SLC1A1: variants seen among roughly 807,000 people sequenced by gnomAD.
SLC1A1 encodes excitatory amino acid transporter 3.
SLC1A1 carries 43 observed loss-of-function variants against 53.3 expected under a neutral mutation model. The ratio of observed to expected loss-of-function variants is 0.81; its 90% CI spans 0.63 to 1.04. SLC1A1 has a LOEUF of 1.04. Among genes scored for constraint, SLC1A1 ranks in the 50% least tolerant of loss-of-function variants. SLC1A1 has a pLI of 0.00. For synonymous variants in SLC1A1, 307 were observed against 243.2 expected (o/e 1.26, Z -2.44); for missense variants, 748 against 664.9 (o/e 1.12, Z -1.37).
At chr9:4,501,903 G>A (rs778599737) in intron 1 of SLC1A1, among the ~76,000 whole-genome samples, 11 of 151,796 alleles carry the variant, frequency 7.2e-5, no homozygotes, top group Middle Eastern at 3.4e-3. Flanking sequence ...GAGTTACCTC[G>A]TTACTAATAA....
intron 1 of SLC1A1, among the ~76,000 whole-genome samples, chr9:4,523,572 A>T (rs1816160008): frequency 6.6e-6 from 1 of 152,232 alleles, no homozygotes; most frequent in Non-Finnish European, 1.5e-5. Flanking sequence ...TACCAAAAAT[A>T]TTTAACATTA....
Position 4,555,399 on chromosome 9 carries a change from A to G in SLC1A1, c.233-6050A>G, listed in dbSNP as rs538340734. Among the ~76,000 whole-genome samples the G allele has an allele frequency of 2.0e-5, 3 of 152,348 alleles. No individual in the cohort carries two copies. The East Asian group carries it at 5.8e-4, about 29-fold the overall frequency. On this transcript the variant is annotated intron_variant, in intron 2 of 11. Coordinates refer to ENST00000262352, the MANE Select transcript of SLC1A1 (RefSeq NM_004170.6). The stretch of plus-strand genomic sequence containing the variant: ...GGTGGTTGCTTAATCAGAGAGCTCT[A>G]GGAGGAGTCTTTTGCCCTCAGATGT...
At chr9:4,497,952 G>T (rs952530107) in intron 1 of SLC1A1, among the ~76,000 whole-genome samples, 1 of 152,118 alleles carries the variant, frequency 6.6e-6, no homozygotes, top group Non-Finnish European at 1.5e-5. Flanking sequence ...GGACTATCTG[G>T]TATGATCTTT....
At chr9:4,558,518 G>A (rs1818638187) in intron 2 of SLC1A1, among the ~76,000 whole-genome samples, 1 of 152,174 alleles carries the variant, frequency 6.6e-6, no homozygotes, top group Non-Finnish European at 1.5e-5. Flanking sequence ...GAAATTGGAT[G>A]ACTACTTGGG....
At chr9:4,546,053 T>C (rs1264159593) in intron 2 of SLC1A1, among the ~76,000 whole-genome samples, 9 of 149,730 alleles carry the variant, frequency 6.0e-5, no homozygotes, top group African/African-American at 2.2e-4. Context: ...TACTGGACGT[T>C]GGTGGGGGCA....
Position 4,490,512 on chromosome 9 carries a change from C to T in SLC1A1, c.-168C>T. 2.4e-6 allele frequency: 1 copy of T among 417,908 alleles called. No individual in the cohort carries two copies. The highest frequency in any genetic ancestry group is 4.2e-6 in the Non-Finnish European group (1 of 236,824). The allele number at this position is 417,908 out of a possible 1,614,324, so 25.9% of individuals were successfully genotyped here. A position where few individuals can be genotyped will look rare whatever the true frequency, so the allele number is the denominator to read the frequency against. On this transcript the variant is annotated 5_prime_UTR_variant, in exon 1 of 12. Coordinates refer to ENST00000262352, the MANE Select transcript of SLC1A1 (RefSeq NM_004170.6). Reference sequence around the variant, plus strand: ...AGGGCGGCGGGCGCGGTGCGCGATCCCGGGTGGCGGCGGCAACGGCGGTGG... The same window carrying T: ...AGGGCGGCGGGCGCGGTGCGCGATCTCGGGTGGCGGCGGCAACGGCGGTGG...
Position 4,549,639 on chromosome 9 carries a change from G to C in SLC1A1, c.232+4932G>C, listed in dbSNP as rs1817765767. Among the ~76,000 whole-genome samples, 1 of 152,098 alleles carries C rather than the reference G, an allele frequency of 6.6e-6. No individual in the cohort carries two copies. Among genetic ancestry groups the C allele is most frequent in the Admixed American group, 6.5e-5 (1 of 15,270 alleles). ...AAGGAAAAATTCCGCTATCACACAG[G>C]CCATCCTGTCCTGACCTGGAGTGAC... On this transcript the variant is annotated intron_variant, in intron 2 of 11. Transcript: ENST00000262352. The surrounding 1 kb of genome is among the most constrained non-coding windows in gnomAD (Gnocchi z 4.1).
Position 4,543,938 on chromosome 9 carries a change from G to A in SLC1A1, c.92-629G>A, listed in dbSNP as rs189662539. On this transcript the variant is annotated intron_variant, in intron 1 of 11. Transcript: ENST00000262352. Reference sequence around the variant, plus strand: ...TCACACCTGTAATCCCAGCACTTTCGGAAGTCGAGGTGGGCAGATCACTTG... The same window carrying A: ...TCACACCTGTAATCCCAGCACTTTCAGAAGTCGAGGTGGGCAGATCACTTG... Among the ~76,000 whole-genome samples the A allele has an allele frequency of 1.2e-4, 18 of 152,248 alleles. No homozygotes were observed. The East Asian group carries it at 1.9e-3, about 16-fold the overall frequency.
intron 6 of SLC1A1, among the ~76,000 whole-genome samples, chr9:4,570,458 G>A (rs1046876964): frequency 2.4e-5 from 3 of 123,982 alleles, no homozygotes; most frequent in South Asian, 2.7e-4. Context: ...TGCAGCCTCC[G>A]CCTCCTGGGT....
intron 6 of SLC1A1, among the ~76,000 whole-genome samples, chr9:4,570,518 G>A (rs562660061): frequency 8.6e-5 from 13 of 151,980 alleles, no homozygotes; most frequent in South Asian, 8.3e-4. Context: ...TTACAGGCAC[G>A]TGCCACAATG....
At position 4,583,699 on chromosome 9, in the gene SLC1A1, T is replaced by A. The variant is rs1380184250; in HGVS notation, c.1328+527T>A. ...ATAATCTGTGAGATGGGAAAAAATC[T>A]GCCTATGTCATTGGGTTGTTTTAAG... On this transcript the variant is annotated intron_variant, in intron 11 of 11. Transcript: ENST00000262352. This position sits in a 1 kb window ranked among gnomAD's most constrained non-coding sequence, Gnocchi z 4.6. Among the ~76,000 whole-genome samples the A allele has an allele frequency of 6.6e-6, 1 of 152,204 alleles. No individual in the cohort carries two copies. The highest frequency in any genetic ancestry group is 2.4e-5 in the African/African-American group (1 of 41,426).
Position 4,572,254 on chromosome 9 carries a change from C to T in SLC1A1, c.633C>T (p.Asn211=), listed in dbSNP as rs143022823. The T allele has an allele frequency of 1.7e-3, 2,664 of 1,614,088 alleles. 9 individuals are homozygous for T. The highest frequency in any genetic ancestry group is 1.4e-3 in the Non-Finnish European group (1,638 of 1,179,960). The change falls in exon 7 of 12, where the codon AAC becomes AAT. Residue 211 remains asparagine, a synonymous_variant. Coordinates refer to ENST00000262352, the MANE Select transcript of SLC1A1 (RefSeq NM_004170.6). The part of the protein sequence containing the change: ...KIVGMYSDGI[N]VLGLIVFCLV... Reference sequence around the variant, plus strand: ...TTGGCATGTATTCAGATGGCATAAACGTCCTGGGCTTGATTGTCTTTTGCC... The same window carrying T: ...TTGGCATGTATTCAGATGGCATAAATGTCCTGGGCTTGATTGTCTTTTGCC...
chr9:4,501,581 A>G (rs185246761), intron 1 of SLC1A1, among the ~76,000 whole-genome samples: 1 of 151,720 alleles, frequency 6.6e-6, no homozygotes, highest in Non-Finnish European at 1.5e-5. Context: ...CCTGACCAAC[A>G]TGGAGAAACC....
intron 1 of SLC1A1, among the ~76,000 whole-genome samples, chr9:4,521,079 A>T (rs1816053907): frequency 6.6e-6 from 1 of 152,122 alleles, no homozygotes. Flanking sequence ...TTCATTGGAG[A>T]AATGTCTATT....
Position 4,585,322 on chromosome 9 carries a change from A to G in SLC1A1, c.1339A>G (p.Arg447Gly). The change falls in exon 12 of 12, where the codon AGG becomes GGG. Residue 447 changes from arginine to glycine, a missense_variant. Physicochemically the swap from Arg to Gly is moderately radical, Grantham distance 125. Transcript: ENST00000262352. Reference protein sequence around the residue: ...IAVDWLLDRFRTMVNVLGDAF... With the variant: ...IAVDWLLDRFGTMVNVLGDAF... Reference sequence around the variant, plus strand: ...CCCGTCTCTCCCCAGGGACCGGTTCAGGACCATGGTCAACGTCCTTGGTGA... The same window carrying G: ...CCCGTCTCTCCCCAGGGACCGGTTCGGGACCATGGTCAACGTCCTTGGTGA... The G allele has an allele frequency of 6.2e-7, 1 of 1,613,810 alleles. No individual in the cohort carries two copies. The highest frequency in any genetic ancestry group is 1.1e-5 in the South Asian group (1 of 91,066).
chr9:4,559,536 C>T (rs971798869), intron 2 of SLC1A1, among the ~76,000 whole-genome samples: 1 of 142,782 alleles, frequency 7.0e-6, no homozygotes, highest in African/African-American at 2.5e-5. Context: ...AAGCATAAAC[C>T]CCCAGTCACT....
chr9:4,576,755 C>G lies in SLC1A1; in HGVS notation c.1185C>G (p.Ile395Met). Residue 395 changes from isoleucine (I) to methionine (M), a missense_variant, in exon 10 of 12, where the codon ATC becomes ATG. Ile to Met is a conservative substitution (Grantham distance 10, BLOSUM62 1). Transcript: ENST00000262352. ...NDLDLGIGQI[I>M]TISITATSAS... ...TGGACTTGGGCATTGGGCAGATCAT[C>G]ACCATCAGGTGGGGCATGGTGTCAC... 1 of 1,613,794 alleles carries G rather than the reference C, an allele frequency of 6.2e-7. No homozygotes were observed. Among genetic ancestry groups the G allele is most frequent in the East Asian group, 2.2e-5 (1 of 44,878 alleles).
intron 6 of SLC1A1, 103 bp from the exon 7 acceptor site, chr9:4,572,101 C>T: frequency 2.1e-6 from 2 of 967,334 alleles, no homozygotes; most frequent in Non-Finnish European, 3.4e-6. Context: ...GGGAGATCAC[C>T]AGTTTATTAT....
intron 2 of SLC1A1, among the ~76,000 whole-genome samples, chr9:4,551,090 C>A (rs1241078788): frequency 1.3e-5 from 2 of 152,160 alleles, no homozygotes; most frequent in Non-Finnish European, 2.9e-5. Flanking sequence ...TATGAATGCA[C>A]TGAAGAGACT....
Sources: allele counts gnomAD v4.1 joint callset (sites outside exome capture counted in the v4.1 genomes callset), GRCh38; gene constraint gnomAD v4.1.1; non-coding constraint Gnocchi (gnomAD v3.1); transcripts MANE v1.5; gene names NCBI Gene and HGNC (gene_info 2026-07-23, HGNC 2026-07-21).